TMPRSS15: variants seen among roughly 807,000 people sequenced by gnomAD.
The protein encoded by TMPRSS15 is transmembrane serine protease 15.
In TMPRSS15, 128 loss-of-function variants were observed where a neutral mutation model predicts 125.3. The observed-to-expected ratio is 1.02, with a 90% CI of 0.89 to 1.18. The LOEUF is 1.18. TMPRSS15 is among the 50% of genes most tolerant of loss of function. The pLI is 0.00. For synonymous variants in TMPRSS15, 446 were observed against 423.2 expected (o/e 1.05, Z -0.66); for missense variants, 1,283 against 1,212.7 (o/e 1.06, Z -0.86).
intron 16 of TMPRSS15, among the ~76,000 whole-genome samples, chr21:18,321,829 C>A (rs906213663): frequency 6.6e-6 from 1 of 152,088 alleles, no homozygotes; most frequent in African/African-American, 2.4e-5. Context: ...CGGAAGCAGA[C>A]GGTGCTGATG....
chr21:18,387,857 C>T lies in TMPRSS15; in HGVS notation c.345-4079G>A, dbSNP rs560357750. Among the ~76,000 whole-genome samples the T allele has an allele frequency of 5.9e-5, 9 of 152,040 alleles. 1 individual carries two copies. The highest frequency in any genetic ancestry group is 4.2e-4 in the South Asian group (2 of 4,816). On this transcript the variant is annotated intron_variant, in intron 3 of 24. Coordinates refer to ENST00000284885, the MANE Select transcript of TMPRSS15 (RefSeq NM_002772.3). ...AAAGGATTTATAGATATACAGTTGACGTAGGTACTGTTAGGTGAGAACTCA... is the reference window on the plus strand; with the variant it reads ...AAAGGATTTATAGATATACAGTTGATGTAGGTACTGTTAGGTGAGAACTCA...
chr21:18,443,107 A>C (rs1416626847), intron 1 of TMPRSS15, among the ~76,000 whole-genome samples: 3 of 152,228 alleles, frequency 2.0e-5, no homozygotes, highest in Admixed American at 1.3e-4. Context: ...AGAAATTGGC[A>C]AACTAGCCCC....
intron 18 of TMPRSS15, among the ~76,000 whole-genome samples, chr21:18,305,183 CTTTTTTTT>C (rs59103494): frequency 7.0e-5 from 6 of 86,054 alleles, no homozygotes; most frequent in East Asian, 7.0e-4. Flanking sequence ...AATTTCCGTA[CTTTTTTTT>C]TTTTTTTTTT....
chr21:18,345,560 C>T (rs7282782), intron 10 of TMPRSS15, among the ~76,000 whole-genome samples: 140,946 of 147,328 alleles, frequency 0.96, 67,767 homozygotes, highest in Middle Eastern at 1. Context: ...GCTAACACGG[C>T]GAAACCCCGT....
chr21:18,323,643 A>AT (rs576622743), intron 16 of TMPRSS15, among the ~76,000 whole-genome samples: 10 of 152,224 alleles, frequency 6.6e-5, no homozygotes, highest in African/African-American at 9.6e-5. Context: ...AGAGCACAGT[A>AT]TTTTTTTAAA....
chr21:18,425,825 G>A (rs1375196703), intron 1 of TMPRSS15, among the ~76,000 whole-genome samples: 1 of 152,050 alleles, frequency 6.6e-6, no homozygotes, highest in African/African-American at 2.4e-5. Context: ...AGATGCATCA[G>A]TATTCTGGGC....
chr21:18,364,711 C>T (rs1359991272), intron 7 of TMPRSS15, among the ~76,000 whole-genome samples: 1 of 152,172 alleles, frequency 6.6e-6, no homozygotes, highest in Non-Finnish European at 1.5e-5. Flanking sequence ...AGGCTGTTCC[C>T]TGCTCTTAAT....
Position 18,353,668 on chromosome 21 carries a change from A to G in TMPRSS15, c.1021+55T>C, listed in dbSNP as rs1030821379. ...TAGATTCTGCTACCTTTAAAATTCC[A>G]TCATAACATTAAAGCATCTAAAAAT... On this transcript the variant is annotated intron_variant, in intron 9 of 24. Coordinates refer to ENST00000284885, the MANE Select transcript of TMPRSS15 (RefSeq NM_002772.3). 15 of 1,529,210 alleles carry G rather than the reference A, an allele frequency of 9.8e-6. No individual in the cohort carries two copies. In the African/African-American group the frequency reaches 1.7e-4, roughly 17 times the overall value. 94.7% of individuals were successfully genotyped at this position (1,529,210 alleles called of 1,614,324 possible). A position where few individuals can be genotyped will look rare whatever the true frequency, so the allele number is the denominator to read the frequency against.
chr21:18,273,669 A>T (rs1482633516), intron 24 of TMPRSS15, among the ~76,000 whole-genome samples: 1 of 152,306 alleles, frequency 6.6e-6, no homozygotes, highest in East Asian at 1.9e-4. Flanking sequence ...CTGTAATTGA[A>T]GTTGTCCAGC....
intron 1 of TMPRSS15, among the ~76,000 whole-genome samples, chr21:18,480,552 T>A (rs1978963928): frequency 6.6e-6 from 1 of 151,882 alleles, no homozygotes; most frequent in African/African-American, 2.4e-5. Context: ...TAAGTAAAGA[T>A]GAAATGACTG....
intron 16 of TMPRSS15, among the ~76,000 whole-genome samples, chr21:18,322,052 A>G (rs2075244229): frequency 6.6e-6 from 1 of 152,222 alleles, no homozygotes; most frequent in South Asian, 2.1e-4. Flanking sequence ...GGCAAAAGAA[A>G]TCTAAAGAAT....
intron 21 of TMPRSS15, among the ~76,000 whole-genome samples, chr21:18,292,787 C>A (rs55901415): frequency 0.11 from 16,598 of 152,206 alleles, 1,168 homozygotes; most frequent in Middle Eastern, 0.21. Flanking sequence ...ACATGTCCAA[C>A]GCAAACAACA....
At chr21:18,271,011 A>ACTT (rs1392802972) in intron 24 of TMPRSS15, among the ~76,000 whole-genome samples, 2 of 152,138 alleles carry the variant, frequency 1.3e-5, no homozygotes, top group African/African-American at 2.4e-5. Context: ...ATCCTGAGAG[A>ACTT]CTTTTTGTCT....
chr21:18,466,938 T>C (rs1055032437), intron 1 of TMPRSS15, among the ~76,000 whole-genome samples: 1 of 152,208 alleles, frequency 6.6e-6, no homozygotes, highest in Non-Finnish European at 1.5e-5. Flanking sequence ...TAAATCATTC[T>C]ACTATAAAGA....
chr21:18,341,621 C>A, intron 12 of TMPRSS15, 73 bp from the exon 13 acceptor site: 2 of 1,490,418 alleles, frequency 1.3e-6, no homozygotes, highest in Admixed American at 3.3e-5. Context: ...TTCTTGTGAG[C>A]CCAAGAGATT....
chr21:18,283,755 T>C (rs1290491089), intron 21 of TMPRSS15, among the ~76,000 whole-genome samples: 1 of 152,164 alleles, frequency 6.6e-6, no homozygotes, highest in Non-Finnish European at 1.5e-5. Context: ...TTATTTGATA[T>C]AGATTTAAAT....
At chr21:18,330,137 T>C (rs1484199956) in intron 14 of TMPRSS15, among the ~76,000 whole-genome samples, 1 of 152,154 alleles carries the variant, frequency 6.6e-6, no homozygotes, top group Non-Finnish European at 1.5e-5. Flanking sequence ...CCTCAGCACC[T>C]TCCTTGACCT....
chr21:18,400,315 A>G (rs2076083085), intron 1 of TMPRSS15, among the ~76,000 whole-genome samples: 1 of 152,180 alleles, frequency 6.6e-6, no homozygotes, highest in South Asian at 2.1e-4. Flanking sequence ...ACATTACGCA[A>G]CTTCATGCTA....
chr21:18,484,574 C>G (rs1026531403), intron 1 of TMPRSS15, among the ~76,000 whole-genome samples: 2 of 150,642 alleles, frequency 1.3e-5, no homozygotes, highest in Admixed American at 6.6e-5. Flanking sequence ...TTTTTTATAC[C>G]TTCTATTTAT....
Sources: gnomAD v4.1 joint callset for allele counts (sites outside exome capture counted in the v4.1 genomes callset) on GRCh38, gnomAD v4.1.1 for gene constraint, MANE v1.5 for transcripts, NCBI Gene and HGNC (gene_info 2026-07-23, HGNC 2026-07-21) for gene names.